Variants in DSE observed in about 807,000 individuals in gnomAD.
DSE encodes the protein dermatan sulfate epimerase.
DSE carries 36 observed loss-of-function variants against 84.4 expected under a neutral mutation model. The ratio of observed to expected loss-of-function variants is 0.43; its 90% confidence interval spans 0.33 to 0.56. The LOEUF (loss-of-function observed/expected upper bound fraction) is 0.56. Ranked by LOEUF, DSE falls within the 20% of genes least tolerant of loss-of-function variation. The pLI, the probability that DSE is intolerant of heterozygous loss-of-function variation, is 0.06. For missense variants in DSE, 862 were observed against 1,169.6 expected (o/e 0.74, Z 3.84); for synonymous variants, 410 against 430.1 (o/e 0.95, Z 0.58).
chr6:116,423,648 G>A (rs1377649650), intron 2 of DSE, among the ~76,000 whole-genome samples: 1 of 152,104 alleles, frequency 6.6e-6, no homozygotes, highest in East Asian at 1.9e-4. Flanking sequence ...TTTATTACTG[G>A]TCAGGATCAC....
intron 1 of DSE, among the ~76,000 whole-genome samples, chr6:116,397,617 T>A (rs1026795419): frequency 6.6e-6 from 1 of 152,190 alleles, no homozygotes. Flanking sequence ...TCCTCAGGCA[T>A]AACCACAGAA....
rs754742455 is a variant in DSE, at chr6:116,258,424, A to AT, written c.-575-15dup. 2.4e-4 allele frequency: 175 copies of AT among 725,150 alleles called. 1 individual carries two copies. In the African/African-American group the frequency reaches 2.8e-3, roughly 12 times the overall value. The allele number at this position is 725,150 out of a possible 1,614,324, so 44.9% of individuals were successfully genotyped here. On this transcript the variant is annotated intron_variant, in intron 1 of 3. Transcript: ENST00000430252. ...AAGTCATTATAATAACTTAGTTGTA[A>AT]TTTTTTTGCTTTTTTTGGTAGGGCT...
At chr6:116,370,536 A>G, upstream of DSE, 1 of 984,082 alleles carries the variant, frequency 1.0e-6, no homozygotes. Context: ...TTCCTCTCGC[A>G]GAGTAGTATG....
upstream of DSE, among the ~76,000 whole-genome samples, chr6:116,367,618 T>C (rs1429510166): frequency 1.3e-5 from 2 of 152,188 alleles, no homozygotes; most frequent in African/African-American, 4.8e-5. Flanking sequence ...CTGCTTGAGA[T>C]AAAATGGATG....
At chr6:116,386,786 G>T (rs1780601973) in intron 1 of DSE, among the ~76,000 whole-genome samples, 1 of 152,198 alleles carries the variant, frequency 6.6e-6, no homozygotes, top group Non-Finnish European at 1.5e-5. Context: ...TCATGAGCTG[G>T]TAAAGGGCCA....
chr6:116,425,068 G>A (rs1488748399), intron 2 of DSE, among the ~76,000 whole-genome samples: 1 of 152,140 alleles, frequency 6.6e-6, no homozygotes, highest in African/African-American at 2.4e-5. Context: ...CCACATTACA[G>A]TTGTTATAGA....
upstream of DSE, chr6:116,370,774 G>A: frequency 1.0e-6 from 1 of 955,060 alleles, no homozygotes; most frequent in Non-Finnish European, 1.2e-6. Context: ...GCGGGCCTGC[G>A]GTCGGGGTTC....
rs1783705043 is a variant in DSE at position 116,429,903 on chromosome 6, G to C, written c.671-1051G>C. 2.1e-4 allele frequency among the ~76,000 whole-genome samples: 3 copies of C among 14,138 alleles called. 1 individual carries two copies. Among genetic ancestry groups the C allele is most frequent in the East Asian group, 1.8e-3 (3 of 1,674 alleles). 9.3% of individuals were successfully genotyped at this position (14,138 alleles called of 152,430 possible). ...GGAGGCGGAGCTTGCAGTGAGCCGAGATTGCGCCACTGCACTCCCGTCTGG... is the reference window on the plus strand; with the variant it reads ...GGAGGCGGAGCTTGCAGTGAGCCGACATTGCGCCACTGCACTCCCGTCTGG... On this transcript the variant is annotated intron_variant, in intron 3 of 5. Transcript: ENST00000644252.
chr6:116,409,675 G>T (rs1221869148), intron 2 of DSE, among the ~76,000 whole-genome samples: 9 of 152,176 alleles, frequency 5.9e-5, no homozygotes, highest in African/African-American at 1.9e-4. Flanking sequence ...CTTTTGCCTG[G>T]AGTTGTTGGT....
intron 1 of DSE, chr6:116,255,377 T>C (rs1206663327): frequency 6.6e-6 from 1 of 152,126 alleles, no homozygotes; most frequent in Non-Finnish European, 1.5e-5. Flanking sequence ...GATAAAGTAC[T>C]GATGAAAGGT....
intron 1 of DSE, among the ~76,000 whole-genome samples, chr6:116,398,368 C>T (rs1035501733): frequency 6.6e-6 from 1 of 152,162 alleles, no homozygotes; most frequent in Non-Finnish European, 1.5e-5. Context: ...AATATGTGAA[C>T]TTTGTTTACA....
In DSE at chr6:116,399,409, G is replaced by A. The variant is rs1781458460; in HGVS notation, c.159G>A (p.Val53=). The A allele has an allele frequency of 6.2e-7, 1 of 1,614,176 alleles. No individual in the cohort carries two copies. Among genetic ancestry groups the A allele is most frequent in the Admixed American group, 1.7e-5 (1 of 60,034 alleles). ...HPMLYFSRAE[V]AELQLRAASS... is the part of the protein sequence containing the mutation. ...TGCTGTACTTCTCCAGGGCAGAAGTGGCGGAGCTGCAGCTCAGGGCTGCCA... is the reference window on the plus strand; with the variant it reads ...TGCTGTACTTCTCCAGGGCAGAAGTAGCGGAGCTGCAGCTCAGGGCTGCCA... The change falls in exon 2 of 6, where the codon GTG becomes GTA. Residue 53 remains valine (V), a synonymous_variant. Coordinates refer to ENST00000644252, the MANE Select transcript of DSE (RefSeq NM_013352.4).
chr6:116,375,144 T>C (rs1779842259), intron 1 of DSE, among the ~76,000 whole-genome samples: 1 of 152,124 alleles, frequency 6.6e-6, no homozygotes, highest in South Asian at 2.1e-4. Context: ...GGAAAATTAT[T>C]TTCCTATGAA....
chr6:116,397,496 C>T (rs1473615086), intron 1 of DSE, among the ~76,000 whole-genome samples: 2 of 152,120 alleles, frequency 1.3e-5, no homozygotes, highest in Admixed American at 6.5e-5. Context: ...CATGAGCCAC[C>T]GTGCCTGGCC....
At chr6:116,302,341 GGTGGTATCTCATT>G (rs1171554239) in intron 2 of DSE, among the ~76,000 whole-genome samples, 4 of 152,150 alleles carry the variant, frequency 2.6e-5, no homozygotes, top group Non-Finnish European at 5.9e-5. Flanking sequence ...GCTGGCGTGA[GGTGGTATCTCATT>G]GTGGTTTTGA....
chr6:116,362,086 G>A (rs1778934324), intron 2 of DSE, among the ~76,000 whole-genome samples: 1 of 152,232 alleles, frequency 6.6e-6, no homozygotes, highest in South Asian at 2.1e-4. Flanking sequence ...TTCAAAAGCT[G>A]TAAAACTTGT....
At chr6:116,371,265 G>T (rs899696562) in intron 1 of DSE, 144 bp downstream of exon 1, 3 of 955,618 alleles carry the variant, frequency 3.1e-6, no homozygotes, top group African/African-American at 1.8e-5. Context: ...AGCGCCGCGG[G>T]TTGCGCGCCC....
At chr6:116,299,533 T>C (rs1774886548) in intron 2 of DSE, among the ~76,000 whole-genome samples, 2 of 36,700 alleles carry the variant, frequency 5.4e-5, no homozygotes, top group South Asian at 4.3e-3. Flanking sequence ...TATATATATA[T>C]ATATATATAT....
At chr6:116,331,516 C>A (rs1776932173) in intron 2 of DSE, among the ~76,000 whole-genome samples, 1 of 152,118 alleles carries the variant, frequency 6.6e-6, no homozygotes. Flanking sequence ...CACGAGGTAA[C>A]CCCCCAATAT....
Sources: allele counts gnomAD v4.1 joint callset (sites outside exome capture counted in the v4.1 genomes callset), GRCh38; gene constraint gnomAD v4.1.1; transcripts MANE v1.5; gene names NCBI Gene and HGNC (gene_info 2026-07-23, HGNC 2026-07-21).